RANGAP1: variants seen among roughly 807,000 people sequenced by gnomAD.
The protein encoded by RANGAP1 is Ran GTPase activating protein 1.
RANGAP1 carries 38 observed loss-of-function variants against 63.5 expected under a neutral mutation model. The observed-to-expected ratio is 0.60, with a 90% CI of 0.46 to 0.78. RANGAP1 has a LOEUF of 0.78. RANGAP1 is among the 30% of genes least tolerant of loss of function. The probability of loss-of-function intolerance (pLI) is 0.00; values close to 1 mark genes in which losing one functional copy is unlikely to be tolerated. For missense variants in RANGAP1, 630 were observed against 740.3 expected (o/e 0.85, Z 1.73); for synonymous variants, 329 against 310.5 (o/e 1.06, Z -0.63).
chr22:41,279,396 G>A (rs1213592221), intron 2 of RANGAP1, among the ~76,000 whole-genome samples: 3 of 151,632 alleles, frequency 2.0e-5, no homozygotes, highest in Non-Finnish European at 4.4e-5. Flanking sequence ...CGTGAACCAG[G>A]GAGGCAGAGC....
At chr22:41,261,328 G>T (rs980010023) in intron 6 of RANGAP1, 118 bp downstream of exon 6, 34 of 1,467,380 alleles carry the variant, frequency 2.3e-5, no homozygotes, top group Non-Finnish European at 1.8e-6. Context: ...GAGAGGGCAC[G>T]TGACGCCCCA....
chr22:41,270,254 T>A (rs2034723528), intron 3 of RANGAP1, among the ~76,000 whole-genome samples: 2 of 150,422 alleles, frequency 1.3e-5, no homozygotes. Context: ...GATTCTCCTG[T>A]CTCAGTCTCC....
At chr22:41,249,629 C>T in intron 14 of RANGAP1, 100 bp downstream of exon 14, 2 of 1,532,728 alleles carry the variant, frequency 1.3e-6, no homozygotes, top group Non-Finnish European at 1.8e-6. Context: ...CGAGCCGGCT[C>T]AGGACTCGAG....
chr22:41,249,540 C>T, intron 14 of RANGAP1, 89 bp from the exon 15 acceptor site: 2 of 1,580,558 alleles, frequency 1.3e-6, no homozygotes, highest in South Asian at 1.1e-5. Flanking sequence ...GCTGATAGTG[C>T]CCACAACTGA....
intron 1 of RANGAP1, chr22:41,281,834 T>A: frequency 1.1e-5 from 2 of 176,556 alleles, no homozygotes; most frequent in Non-Finnish European, 2.2e-5. Context: ...GTAAAAGAAG[T>A]AAAGCTGGCC....
intron 1 of RANGAP1, among the ~76,000 whole-genome samples, chr22:41,284,337 G>A (rs1385254343): frequency 6.6e-6 from 1 of 152,178 alleles, no homozygotes; most frequent in African/African-American, 2.4e-5. Context: ...GGAGGCTGAG[G>A]TGGGTGGATT....
intron 14 of RANGAP1, 31 bp from the exon 15 acceptor site, chr22:41,249,482 G>C: frequency 6.4e-7 from 1 of 1,564,078 alleles, no homozygotes; most frequent in Non-Finnish European, 8.6e-7. Context: ...AGCGGGGTGA[G>C]CTTCAAAGTC....
At chr22:41,299,844 C>T in the RANGAP1 span, among the ~76,000 whole-genome samples, 10 of 151,984 alleles carry the variant, frequency 6.6e-5, 1 homozygote, top group South Asian at 6.2e-4. Context: ...CTACGCCTCC[C>T]GGATTCACGC....
chr22:41,253,784 T>C (rs947223223), intron 11 of RANGAP1, among the ~76,000 whole-genome samples: 2 of 152,194 alleles, frequency 1.3e-5, no homozygotes, highest in South Asian at 2.1e-4. Context: ...TACCTGTAAA[T>C]AGACATTTAT....
chr22:41,293,830 T>C, the RANGAP1 span, among the ~76,000 whole-genome samples: 1 of 152,058 alleles, frequency 6.6e-6, no homozygotes, highest in Non-Finnish European at 1.5e-5. Context: ...AAATTCCTTT[T>C]TCTCTTTTGG....
At chr22:41,277,320 C>T (rs569295625) in intron 2 of RANGAP1, among the ~76,000 whole-genome samples, 7 of 152,030 alleles carry the variant, frequency 4.6e-5, no homozygotes, top group African/African-American at 7.2e-5. Context: ...CCTCGTGATC[C>T]GCCCGCCTCG....
the RANGAP1 span, among the ~76,000 whole-genome samples, chr22:41,294,727 G>A: frequency 1.0e-4 from 13 of 130,552 alleles, no homozygotes; most frequent in South Asian, 2.6e-4. Flanking sequence ...TGTGAGGAGC[G>A]TCTCTGCCCG....
chr22:41,264,523 A>T lies in RANGAP1; in HGVS notation c.480+141T>A. ...ATGGACGCCTCTACCCTCCGGCCAC[A>T]GGCTGTTGCCTTTGAGGCCTTTCTC... On this transcript the variant is annotated intron_variant, in intron 5 of 15. Coordinates refer to ENST00000356244, the MANE Select transcript of RANGAP1 (RefSeq NM_002883.4). 4 of 1,114,660 alleles carry T rather than the reference A, an allele frequency of 3.6e-6. No homozygotes were observed. The South Asian group carries it at 5.2e-5, about 15-fold the overall frequency. 69.0% of individuals were successfully genotyped at this position (1,114,660 alleles called of 1,614,324 possible).
the RANGAP1 span, among the ~76,000 whole-genome samples, chr22:41,294,495 C>G: frequency 0.74 from 108,131 of 145,432 alleles, 40,868 homozygotes; most frequent in Admixed American, 0.79. Flanking sequence ...AGTGAGGAGC[C>G]TCTCTGCCTG....
chr22:41,264,294 CCT>C (rs2034338024), intron 5 of RANGAP1, among the ~76,000 whole-genome samples: 1 of 152,172 alleles, frequency 6.6e-6, no homozygotes, highest in Non-Finnish European at 1.5e-5. Flanking sequence ...CGGTGCCCCC[CCT>C]GAGCATATGC....
intron 3 of RANGAP1, among the ~76,000 whole-genome samples, chr22:41,271,522 C>T (rs548414620): frequency 2.6e-5 from 4 of 151,990 alleles, no homozygotes; most frequent in Admixed American, 2.6e-4. Flanking sequence ...TGGTGAAACC[C>T]GTCTCTACTA....
At chr22:41,289,216 G>A (rs1023372011), upstream of RANGAP1, among the ~76,000 whole-genome samples, 2 of 152,008 alleles carry the variant, frequency 1.3e-5, no homozygotes, top group African/African-American at 4.8e-5. Flanking sequence ...GAGCCACTGT[G>A]GCCGGCCTCC....
At chr22:41,261,885 G>C (rs2034191115) in intron 5 of RANGAP1, among the ~76,000 whole-genome samples, 1 of 152,198 alleles carries the variant, frequency 6.6e-6, no homozygotes. Context: ...TTTTAGCCAG[G>C]TCCAGGGGAA....
Position 41,256,834 on chromosome 22 carries a change from G to A in RANGAP1, c.775-10C>T. On this transcript the variant is annotated splice_polypyrimidine_tract_variant and intron_variant, in intron 7 of 15. Transcript: ENST00000356244. ...GCAAGGTCTTCAAGGTCTGTGAGGG[G>A]GAAGCAAGGGTCCAGAGTGAGGGTG... The A allele has an allele frequency of 6.2e-7, 1 of 1,610,538 alleles. No individual in the cohort carries two copies. The highest frequency in any genetic ancestry group is 8.5e-7 in the Non-Finnish European group (1 of 1,177,028).
Sources: gnomAD v4.1 joint callset for allele counts (sites outside exome capture counted in the v4.1 genomes callset) on GRCh38, gnomAD v4.1.1 for gene constraint, MANE v1.5 for transcripts, NCBI Gene and HGNC (gene_info 2026-07-23, HGNC 2026-07-21) for gene names.